The following FFAR4 variants were observed in gnomAD, a reference collection of about 807,000 sequenced individuals.
FFAR4 encodes the protein free fatty acid receptor 4, also known as G-protein coupled receptor 120.
A neutral mutation model predicts 27.0 loss-of-function variants in FFAR4; 19 were observed. That is an observed-to-expected ratio of 0.70 (90% CI 0.49 to 1.03). The LOEUF is 1.03. Ranked by LOEUF, FFAR4 falls within the 50% of genes least tolerant of loss-of-function variation. The pLI is 0.00. For missense variants in FFAR4, 476 were observed against 479.0 expected, an observed-to-expected ratio of 0.99 and a Z score of 0.06; for synonymous variants, 254 against 215.6, an observed-to-expected ratio of 1.18 and a Z score of -1.56.
At position 93,576,199 on chromosome 10, in the gene FFAR4, A is replaced by C. The variant is rs762891346; in HGVS notation, c.676A>C (p.Ser226Arg). 2 of 1,613,974 alleles carry C rather than the reference A, an allele frequency of 1.2e-6. No individual in the cohort carries two copies. The highest frequency in any genetic ancestry group is 2.7e-5 in the African/African-American group (2 of 74,912). Residue 226 changes from serine (S) to arginine (R), a missense_variant, in exon 2 of 3, where the codon AGT becomes CGT. Coordinates refer to ENST00000371481, the MANE Select transcript of FFAR4 (RefSeq NM_001195755.2). ...GGTGCCAGGACTGGTCATTGTGATC[A>C]GTTACTCCAAAATTTTACAGGTATG... ...FLVPGLVIVISYSKILQITKA... is the reference protein window; with the variant it reads ...FLVPGLVIVIRYSKILQITKA...
intron 1 of FFAR4, among the ~76,000 whole-genome samples, chr10:93,568,976 G>A (rs1177337776): frequency 6.6e-6 from 1 of 152,108 alleles, no homozygotes; most frequent in African/African-American, 2.4e-5. Flanking sequence ...GCAGACCAAG[G>A]GCTCTGGCTT....
chr10:93,583,115 C>T (rs922676006), intron 2 of FFAR4, among the ~76,000 whole-genome samples: 1 of 151,634 alleles, frequency 6.6e-6, no homozygotes, highest in Non-Finnish European at 1.5e-5. Flanking sequence ...GTAAGAGGGA[C>T]GCCTGGGCCG....
intron 1 of FFAR4, among the ~76,000 whole-genome samples, chr10:93,568,686 A>G (rs1246659436): frequency 6.6e-6 from 1 of 152,134 alleles, no homozygotes; most frequent in Non-Finnish European, 1.5e-5. Flanking sequence ...AGTCTCTCAC[A>G]CAGCCCTTTT....
intron 2 of FFAR4, among the ~76,000 whole-genome samples, chr10:93,586,652 T>C (rs1234401036): frequency 6.6e-6 from 1 of 151,988 alleles, no homozygotes; most frequent in Non-Finnish European, 1.5e-5. Context: ...TACTGCTAGG[T>C]GAAAAAGGAG....
chr10:93,567,127 G>T lies in FFAR4; in HGVS notation c.407G>T (p.Arg136Leu). The T allele has an allele frequency of 3.7e-6, 6 of 1,607,284 alleles. No homozygotes were observed. The highest frequency in any genetic ancestry group is 5.1e-6 in the Non-Finnish European group (6 of 1,178,364). ...ACGCTGGCCGCGGTCAGCCTGGAGC[G>T]CATGGTGTGCATCGTGCACCTGCAG... ...ILTLAAVSLE[R>L]MVCIVHLQRG... The change falls in exon 1 of 3, where the codon CGC (arginine) becomes CTC (leucine). Residue 136 changes from arginine to leucine, a missense_variant. Physicochemically the swap from Arg to Leu is moderately radical, Grantham distance 102. Transcript: ENST00000371481.
At chr10:93,576,772 A>C (rs116400127) in intron 2 of FFAR4, among the ~76,000 whole-genome samples, 2,898 of 152,296 alleles carry the variant, frequency 0.019, 74 homozygotes, top group African/African-American at 0.059. Context: ...TAGTGGCTAC[A>C]GATATGACTT....
At position 93,589,463 on chromosome 10, in the gene FFAR4, G is replaced by T. The variant is rs529117791; in HGVS notation, c.*1854G>T. ...ATATACCTTGGGAAGGTAAAACAAAGATGATTTATTGATGGGAAGGATGGA... is the reference window on the plus strand; with the variant it reads ...ATATACCTTGGGAAGGTAAAACAAATATGATTTATTGATGGGAAGGATGGA... On this transcript the variant is annotated 3_prime_UTR_variant, in exon 3 of 3. Transcript: ENST00000371481. The T allele has an allele frequency of 6.6e-6, 1 of 152,264 alleles. No homozygotes were observed. Among genetic ancestry groups the T allele is most frequent in the East Asian group, 1.9e-4 (1 of 5,174 alleles). 9.4% of individuals were successfully genotyped at this position (152,264 alleles called of 1,614,324 possible). A position where few individuals can be genotyped will look rare whatever the true frequency, so the allele number is the denominator to read the frequency against.
At position 93,587,930 on chromosome 10, in the gene FFAR4, TAA is replaced by T; in HGVS notation, c.*331_*332del. The T allele has an allele frequency of 3.6e-5, 6 of 168,050 alleles. No homozygotes were observed. Among genetic ancestry groups the T allele is most frequent in the Non-Finnish European group, 6.3e-5 (5 of 79,468 alleles). 10.4% of individuals were successfully genotyped at this position (168,050 alleles called of 1,614,324 possible). A position where few individuals can be genotyped will look rare whatever the true frequency, so the allele number is the denominator to read the frequency against. On this transcript the variant is annotated 3_prime_UTR_variant, in exon 3 of 3. Coordinates refer to ENST00000371481, the MANE Select transcript of FFAR4 (RefSeq NM_001195755.2). Reference sequence around the variant, plus strand: ...GTGAGACCCCCGTCTCTACTAAAAATAAAAAAAAAAATTAGCTGGGAGTGGTG... The same window carrying T: ...GTGAGACCCCCGTCTCTACTAAAAATAAAAAAAAATTAGCTGGGAGTGGTG...
intron 1 of FFAR4, 35 bp from the exon 2 acceptor site, chr10:93,576,056 C>G (rs953312536): frequency 3.1e-6 from 5 of 1,610,788 alleles, no homozygotes; most frequent in Non-Finnish European, 4.2e-6. Flanking sequence ...AAGAAGCCAG[C>G]ATTTACATGA....
At position 93,566,784 on chromosome 10, in the gene FFAR4, C is replaced by A. The variant is rs746147390; in HGVS notation, c.64C>A (p.Arg22Ser). ...CTTGCGCAGCCTGGAGCAAGCCAAC[C>A]GCACCCGCTTTCCCTTCTTCTCCGA... ...APLRSLEQAN[R>S]TRFPFFSDVK... Residue 22 changes from arginine to serine, a missense_variant, in exon 1 of 3, where the codon CGC (arginine) becomes AGC (serine). Coordinates refer to ENST00000371481, the MANE Select transcript of FFAR4 (RefSeq NM_001195755.2). 2 of 1,608,680 alleles carry A rather than the reference C, an allele frequency of 1.2e-6. No homozygotes were observed. Among genetic ancestry groups the A allele is most frequent in the East Asian group, 2.2e-5 (1 of 44,752 alleles).
chr10:93,568,724 C>T (rs2058114635), intron 1 of FFAR4, among the ~76,000 whole-genome samples: 1 of 152,134 alleles, frequency 6.6e-6, no homozygotes, highest in Admixed American at 6.5e-5. Flanking sequence ...TGGAGTCTGC[C>T]TCCTGTATCC....
At chr10:93,581,742 C>T (rs993005032) in intron 2 of FFAR4, among the ~76,000 whole-genome samples, 3 of 152,098 alleles carry the variant, frequency 2.0e-5, no homozygotes, top group South Asian at 2.1e-4. Flanking sequence ...GATTTCTGGG[C>T]CTCACCCAGC....
In FFAR4 at chr10:93,585,466, C is replaced by T. The variant is rs191502835; in HGVS notation, c.697-1754C>T. 1.1e-4 allele frequency among the ~76,000 whole-genome samples: 17 copies of T among 152,316 alleles called. No homozygotes were observed. In the East Asian group the frequency reaches 3.3e-3, roughly 29 times the overall value. Reference sequence around the variant, plus strand: ...TGGGGCAGGGGCACCTTTAATGACACCTATGTCTGATTTACAGAGCTTTCC... The same window carrying T: ...TGGGGCAGGGGCACCTTTAATGACATCTATGTCTGATTTACAGAGCTTTCC... On this transcript the variant is annotated intron_variant, in intron 2 of 2. Transcript: ENST00000371481.
At chr10:93,567,412 C>A in intron 1 of FFAR4, 125 bp downstream of exon 1, 2 of 828,968 alleles carry the variant, frequency 2.4e-6, no homozygotes, top group African/African-American at 1.7e-5. Context: ...AATCGTTGTG[C>A]CAAATCTTGT....
At position 93,587,743 on chromosome 10, in the gene FFAR4, C is replaced by T. The variant is rs909046642; in HGVS notation, c.*134C>T. On this transcript the variant is annotated 3_prime_UTR_variant, in exon 3 of 3. Transcript: ENST00000371481. ...CTATGCAAATAGACATCCACAGCGT[C>T]GGTAAATTAAGGGGTGATCACCAAG... is the stretch of plus-strand genomic sequence containing the variant. The T allele has an allele frequency of 2.6e-5, 23 of 870,682 alleles. No individual in the cohort carries two copies. The highest frequency in any genetic ancestry group is 2.5e-4 in the African/African-American group (15 of 59,402). 53.9% of individuals were successfully genotyped at this position (870,682 alleles called of 1,614,324 possible). A position where few individuals can be genotyped will look rare whatever the true frequency, so the allele number is the denominator to read the frequency against.
chr10:93,567,426 C>T (rs1589672614), intron 1 of FFAR4, 139 bp downstream of exon 1: 2 of 757,390 alleles, frequency 2.6e-6, no homozygotes, highest in East Asian at 5.5e-5. Flanking sequence ...ATCTTGTGCC[C>T]ATGGCTGTGA....
chr10:93,578,147 T>C (rs745630310), intron 2 of FFAR4, among the ~76,000 whole-genome samples: 1 of 151,982 alleles, frequency 6.6e-6, no homozygotes, highest in African/African-American at 2.4e-5. Flanking sequence ...CCAGGTGTGG[T>C]AGCTCACGCC....
intron 1 of FFAR4, among the ~76,000 whole-genome samples, chr10:93,573,714 TCTTA>T (rs2058145447): frequency 6.6e-6 from 1 of 152,188 alleles, no homozygotes; most frequent in Non-Finnish European, 1.5e-5. Context: ...AGAGTTCTTA[TCTTA>T]CTTCCTTATC....
At chr10:93,576,510 C>T (rs1015652460) in intron 2 of FFAR4, among the ~76,000 whole-genome samples, 3 of 152,132 alleles carry the variant, frequency 2.0e-5, no homozygotes, top group African/African-American at 7.2e-5. Flanking sequence ...CTTACTCTAC[C>T]TTCTTAACAA....
Sources: gnomAD v4.1 joint callset for allele counts (sites outside exome capture counted in the v4.1 genomes callset) on GRCh38, gnomAD v4.1.1 for gene constraint, MANE v1.5 for transcripts, NCBI Gene and HGNC (gene_info 2026-07-23, HGNC 2026-07-21) for gene names.